Variants in PCDH15 observed in about 807,000 individuals in gnomAD.
PCDH15 encodes the protein protocadherin related 15.
PCDH15 carries 129 observed loss-of-function variants against 178.5 expected under a neutral mutation model. The ratio of observed to expected loss-of-function variants is 0.72; its 90% CI spans 0.63 to 0.84. The LOEUF (loss-of-function observed/expected upper bound fraction) is 0.84. Among genes scored for constraint, PCDH15 ranks in the 40% least tolerant of loss-of-function variants. The pLI, the probability that PCDH15 is intolerant of heterozygous loss-of-function variation, is 0.00. For missense variants in PCDH15, 2,230 were observed against 2,099.9 expected (o/e 1.06, Z -1.21); for synonymous variants, 800 against 732.0 (o/e 1.09, Z -1.50).
intron 3 of PCDH15, among the ~76,000 whole-genome samples, chr10:54,397,219 T>C (rs935029716): frequency 3.3e-5 from 5 of 152,102 alleles, no homozygotes; most frequent in African/African-American, 1.2e-4. Flanking sequence ...TCCCAGCCAC[T>C]TGTGAGTTTT....
intron 8 of PCDH15, among the ~76,000 whole-genome samples, chr10:54,297,927 C>G (rs1420248579): frequency 6.6e-6 from 1 of 152,142 alleles, no homozygotes; most frequent in Non-Finnish European, 1.5e-5. Flanking sequence ...TACCTGATAG[C>G]TTAATCAAGT....
At chr10:54,023,795 T>A (rs2093001488) in intron 18 of PCDH15, among the ~76,000 whole-genome samples, 1 of 151,804 alleles carries the variant, frequency 6.6e-6, no homozygotes, top group Non-Finnish European at 1.5e-5. Context: ...ATATTATTAA[T>A]CTCATTTTAC....
intron 16 of PCDH15, among the ~76,000 whole-genome samples, chr10:54,080,199 T>C (rs1280842422): frequency 1.3e-5 from 2 of 152,090 alleles, no homozygotes; most frequent in East Asian, 3.8e-4. Context: ...TTTAGCTGTT[T>C]CTTAATTTAA....
chr10:54,098,554 T>A (rs2094745540), intron 15 of PCDH15, among the ~76,000 whole-genome samples: 1 of 152,184 alleles, frequency 6.6e-6, no homozygotes, highest in Non-Finnish European at 1.5e-5. Flanking sequence ...ATACTAACTG[T>A]AACATTACCC....
chr10:54,982,215 T>C (rs1222069165), intron 2 of PCDH15, among the ~76,000 whole-genome samples: 1 of 152,166 alleles, frequency 6.6e-6, no homozygotes, highest in Non-Finnish European at 1.5e-5. Context: ...TGAACATTAT[T>C]GAACTCCTCT....
intron 1 of PCDH15, among the ~76,000 whole-genome samples, chr10:55,252,301 A>T (rs1841858687): frequency 6.6e-6 from 1 of 152,162 alleles, no homozygotes; most frequent in African/African-American, 2.4e-5. Flanking sequence ...GCAAATAAAA[A>T]GCTGTAGCAC....
chr10:54,266,000 C>T (rs1455308572), intron 8 of PCDH15, among the ~76,000 whole-genome samples: 1 of 151,918 alleles, frequency 6.6e-6, no homozygotes, highest in Non-Finnish European at 1.5e-5. Flanking sequence ...TCACATGGAA[C>T]ATACTCTAAG....
chr10:54,044,514 G>A (rs1266622017), intron 18 of PCDH15, among the ~76,000 whole-genome samples: 5 of 152,042 alleles, frequency 3.3e-5, no homozygotes. Context: ...AGAGTAGAGG[G>A]TAGTGAATGT....
At chr10:53,879,423 GC>G (rs1447723156) in intron 26 of PCDH15, among the ~76,000 whole-genome samples, 1 of 152,066 alleles carries the variant, frequency 6.6e-6, no homozygotes, top group African/African-American at 2.4e-5. Context: ...AGAAGCAGTA[GC>G]TGAATTTGGT....
chr10:54,967,210 A>G (rs920261931), intron 2 of PCDH15, among the ~76,000 whole-genome samples: 4 of 151,802 alleles, frequency 2.6e-5, no homozygotes, highest in African/African-American at 9.7e-5. Context: ...GAGCTCCACT[A>G]TAATCTTATG....
intron 1 of PCDH15, among the ~76,000 whole-genome samples, chr10:55,297,776 G>T (rs538788817): frequency 8.7e-4 from 133 of 152,116 alleles, no homozygotes; most frequent in African/African-American, 3.0e-3. Context: ...GCATGACTGA[G>T]AAAAGAATGA....
chr10:55,136,411 T>C (rs1838199214), intron 2 of PCDH15, among the ~76,000 whole-genome samples: 1 of 152,006 alleles, frequency 6.6e-6, no homozygotes, highest in Admixed American at 6.6e-5. Flanking sequence ...ATATTGACAA[T>C]GAAAATATTT....
At chr10:55,028,616 G>C (rs886843646) in intron 2 of PCDH15, among the ~76,000 whole-genome samples, 1 of 151,626 alleles carries the variant, frequency 6.6e-6, no homozygotes, top group Non-Finnish European at 1.5e-5. Context: ...TTTTTTTCTT[G>C]AAATGTGATC....
chr10:53,909,751 G>A (rs2082937645), intron 25 of PCDH15, among the ~76,000 whole-genome samples: 1 of 152,176 alleles, frequency 6.6e-6, no homozygotes, highest in South Asian at 2.1e-4. Context: ...CCCTTTCCTA[G>A]CCAAGGGAAG....
At chr10:54,242,164 A>T (rs1299782251) in intron 8 of PCDH15, among the ~76,000 whole-genome samples, 1 of 116,362 alleles carries the variant, frequency 8.6e-6, no homozygotes, top group African/African-American at 3.5e-5. Context: ...ATATATATAT[A>T]TATATATATA....
At chr10:55,323,870 G>GT (rs1238807528), upstream of PCDH15, among the ~76,000 whole-genome samples, 2 of 152,100 alleles carry the variant, frequency 1.3e-5, no homozygotes, top group Non-Finnish European at 2.9e-5. Flanking sequence ...AGGTGTTGGG[G>GT]TAGAATGATA....
At chr10:55,055,175 T>C (rs1328408968) in intron 2 of PCDH15, among the ~76,000 whole-genome samples, 1 of 152,190 alleles carries the variant, frequency 6.6e-6, no homozygotes, top group African/African-American at 2.4e-5. Context: ...TAATCCATCT[T>C]GTTAATTTTT....
At position 55,399,587 on chromosome 10, in the gene PCDH15, G is replaced by T. The variant is rs187295456; in HGVS notation, c.-156+228038C>A. On this transcript the variant is annotated intron_variant, in intron 2 of 5. Transcript: ENST00000613346. ...GAGAATCAGAGCAGCAGGAGTTTTTGAACCCACTGACAATAATAAATCTTA... is the reference window on the plus strand; with the variant it reads ...GAGAATCAGAGCAGCAGGAGTTTTTTAACCCACTGACAATAATAAATCTTA... 1.6e-4 allele frequency among the ~76,000 whole-genome samples: 24 copies of T among 152,184 alleles called. 1 individual carries two copies. The highest frequency in any genetic ancestry group is 5.5e-4 in the African/African-American group (23 of 41,528).
intron 1 of PCDH15, among the ~76,000 whole-genome samples, chr10:54,799,621 C>T (rs143131239): frequency 2.6e-4 from 39 of 152,140 alleles, no homozygotes; most frequent in African/African-American, 7.5e-4. Flanking sequence ...TAGGGATTCA[C>T]ATTTCCTGCT....
Sources: allele counts gnomAD v4.1 joint callset (sites outside exome capture counted in the v4.1 genomes callset), GRCh38; gene constraint gnomAD v4.1.1; transcripts MANE v1.5; gene names NCBI Gene and HGNC (gene_info 2026-07-23, HGNC 2026-07-21).